Variants in RGS6 observed in about 807,000 individuals in gnomAD.
RGS6 encodes regulator of G-protein signaling 6.
In RGS6, 30 loss-of-function variants were observed where a neutral mutation model predicts 78.5. The ratio of observed to expected loss-of-function variants is 0.38; its 90% CI spans 0.29 to 0.52. The LOEUF (loss-of-function observed/expected upper bound fraction) is 0.52, where lower values mean the gene tolerates loss of function less well. Ranked by LOEUF, RGS6 falls within the 20% of genes least tolerant of loss-of-function variation. RGS6 has a pLI of 0.85. For synonymous variants in RGS6, 206 were observed against 206.0 expected, an observed-to-expected ratio of 1.00 and a Z score of 0.00; for missense variants, 495 against 609.7, an observed-to-expected ratio of 0.81 and a Z score of 1.98.
Position 72,140,650 on chromosome 14 carries a change from A to T in RGS6, c.84+175775A>T, listed in dbSNP as rs143137941. ...ACAGAGTTAAAGCTGGGTTTTCCAA[A>T]ACAACACATCTGAGTAAAAGCGCCC... On this transcript the variant is annotated intron_variant, in intron 2 of 17. Coordinates refer to ENST00000553525, the MANE Select transcript of RGS6 (RefSeq NM_001204424.2). 6.1e-3 allele frequency among the ~76,000 whole-genome samples: 932 copies of T among 152,328 alleles called. 8 individuals carry two copies. Among genetic ancestry groups the T allele is most frequent in the African/African-American group, 0.02 (840 of 41,570 alleles).
intron 15 of RGS6, among the ~76,000 whole-genome samples, chr14:72,519,750 A>G (rs1406901422): frequency 6.6e-6 from 1 of 152,210 alleles, no homozygotes; most frequent in African/African-American, 2.4e-5. Context: ...GTATGTACGT[A>G]TGCTTTCAAG....
downstream of RGS6, among the ~76,000 whole-genome samples, chr14:72,569,186 C>A (rs1158410803): frequency 6.6e-6 from 1 of 152,028 alleles, no homozygotes; most frequent in Non-Finnish European, 1.5e-5. Context: ...CATTAAAATT[C>A]ACCGTTTTAT....
chr14:72,361,813 G>A lies in RGS6; in HGVS notation c.184+9619G>A, dbSNP rs182687211. ...GGTGGTTTAATCAGATGGTATGGGA[G>A]TCAAAGCTGAGTGTGTTTTAGAGAA... On this transcript the variant is annotated intron_variant, in intron 3 of 17. Transcript: ENST00000553525. Among the ~76,000 whole-genome samples, 456 of 152,252 alleles carry A rather than the reference G, an allele frequency of 3.0e-3. 2 individuals carry two copies. Among genetic ancestry groups the A allele is most frequent in the African/African-American group, 0.011 (439 of 41,556 alleles).
upstream of RGS6, among the ~76,000 whole-genome samples, chr14:71,929,582 TTAA>T (rs2152920584): frequency 6.6e-6 from 1 of 152,340 alleles, no homozygotes; most frequent in South Asian, 2.1e-4. Context: ...TTATTAATAA[TTAA>T]TGATGTATTA....
chr14:72,553,073 T>G (rs2097528608), intron 17 of RGS6, among the ~76,000 whole-genome samples: 1 of 152,192 alleles, frequency 6.6e-6, no homozygotes, highest in Non-Finnish European at 1.5e-5. Flanking sequence ...TATACACAGG[T>G]GCATGTGCCG....
At chr14:72,250,927 G>A (rs2055588090) in intron 2 of RGS6, among the ~76,000 whole-genome samples, 1 of 152,136 alleles carries the variant, frequency 6.6e-6, no homozygotes, top group Non-Finnish European at 1.5e-5. Context: ...GATTAACAGG[G>A]CAAAGGCATA....
At chr14:72,273,579 A>G (rs2060255150) in intron 2 of RGS6, among the ~76,000 whole-genome samples, 1 of 152,228 alleles carries the variant, frequency 6.6e-6, no homozygotes, top group Non-Finnish European at 1.5e-5. Flanking sequence ...AAGTAATAAA[A>G]GATGGGAGGA....
At chr14:72,310,536 G>A (rs138359718) in intron 2 of RGS6, among the ~76,000 whole-genome samples, 12 of 152,312 alleles carry the variant, frequency 7.9e-5, no homozygotes, top group African/African-American at 2.4e-4. Context: ...GGGGAAAAGC[G>A]TTGGAAGAAA....
intron 3 of RGS6, among the ~76,000 whole-genome samples, chr14:72,364,016 A>AC (rs2082005223): frequency 6.6e-6 from 1 of 150,662 alleles, no homozygotes; most frequent in Admixed American, 6.6e-5. Flanking sequence ...AAAAAAAAAA[A>AC]AAAAAAAAAA....
At chr14:72,425,737 G>A (rs557939995) in intron 3 of RGS6, among the ~76,000 whole-genome samples, 12 of 152,302 alleles carry the variant, frequency 7.9e-5, no homozygotes, top group Admixed American at 6.5e-4. Flanking sequence ...AAAGCTGGTT[G>A]TATGGTATGT....
intron 2 of RGS6, among the ~76,000 whole-genome samples, chr14:72,181,146 G>T (rs1482700743): frequency 6.6e-6 from 1 of 152,162 alleles, no homozygotes; most frequent in Non-Finnish European, 1.5e-5. Flanking sequence ...TGCTTTATTT[G>T]TCCCCATTTA....
chr14:72,618,302 T>C, the RGS6 span, among the ~76,000 whole-genome samples: 1 of 152,176 alleles, frequency 6.6e-6, no homozygotes, highest in South Asian at 2.1e-4. Context: ...ATTCAGAGCG[T>C]CGCATCAATA....
intron 13 of RGS6, among the ~76,000 whole-genome samples, chr14:72,502,377 C>T (rs979230856): frequency 1.3e-5 from 2 of 152,208 alleles, no homozygotes; most frequent in Non-Finnish European, 2.9e-5. Flanking sequence ...CAAGTGAGAA[C>T]CACCCAGTGG....
chr14:72,401,032 G>A (rs1175503929), intron 3 of RGS6, among the ~76,000 whole-genome samples: 5 of 152,184 alleles, frequency 3.3e-5, no homozygotes, highest in Admixed American at 6.5e-5. Flanking sequence ...GTTGGTGGCT[G>A]CTGATAAAAA....
chr14:72,431,739 A>G (rs2094651135), intron 3 of RGS6, among the ~76,000 whole-genome samples: 1 of 151,946 alleles, frequency 6.6e-6, no homozygotes, highest in Non-Finnish European at 1.5e-5. Context: ...AGGTCCCTGC[A>G]CCCATCACCA....
downstream of RGS6, among the ~76,000 whole-genome samples, chr14:72,566,974 T>C (rs1250943940): frequency 6.6e-6 from 1 of 152,136 alleles, no homozygotes; most frequent in Non-Finnish European, 1.5e-5. Context: ...CGACAGACAG[T>C]TGCACTTCCC....
intron 3 of RGS6, among the ~76,000 whole-genome samples, chr14:72,400,096 C>T (rs1006228727): frequency 1.3e-5 from 2 of 152,064 alleles, no homozygotes; most frequent in South Asian, 2.1e-4. Flanking sequence ...TCTGATTCAC[C>T]GAAGTTGAAA....
intron 1 of RGS6, among the ~76,000 whole-genome samples, chr14:71,939,970 G>A (rs564829907): frequency 6.6e-6 from 1 of 152,276 alleles, no homozygotes; most frequent in African/African-American, 2.4e-5. Flanking sequence ...GCCAATGTGG[G>A]GGTTCTGCCA....
At chr14:72,312,277 G>A (rs1200735069) in intron 2 of RGS6, among the ~76,000 whole-genome samples, 7 of 121,844 alleles carry the variant, frequency 5.7e-5, no homozygotes, top group African/African-American at 2.2e-4. Flanking sequence ...GGCAAATATT[G>A]CTCTGTAACT....
Sources: allele counts gnomAD v4.1 joint callset (sites outside exome capture counted in the v4.1 genomes callset), GRCh38; gene constraint gnomAD v4.1.1; transcripts MANE v1.5; gene names NCBI Gene and HGNC (gene_info 2026-07-23, HGNC 2026-07-21).